ITGA10: variants seen among roughly 807,000 people sequenced by gnomAD.
ITGA10 encodes integrin alpha-10.
A neutral mutation model predicts 145.2 loss-of-function variants in ITGA10; 105 were observed. That is an observed-to-expected ratio of 0.72 (90% CI 0.62 to 0.85). The LOEUF (loss-of-function observed/expected upper bound fraction) is 0.85, where lower values mean the gene tolerates loss of function less well. Among genes scored for constraint, ITGA10 ranks in the 40% least tolerant of loss-of-function variants. The probability of loss-of-function intolerance (pLI) is 0.00; values close to 1 mark genes in which losing one functional copy is unlikely to be tolerated. For synonymous variants in ITGA10, 506 were observed against 557.8 expected, an observed-to-expected ratio of 0.91 and a Z score of 1.31; for missense variants, 1,317 against 1,444.5, an observed-to-expected ratio of 0.91 and a Z score of 1.43.
At chr1:145,907,017 G>T in intron 3 of ITGA10, 24 bp downstream of exon 3, 1 of 1,475,592 alleles carries the variant, frequency 6.8e-7, no homozygotes, top group Non-Finnish European at 9.2e-7. Context: ...GGGTTAGGAG[G>T]AGAAGGGTCA....
Position 145,904,131 on chromosome 1 carries a change from C to G in ITGA10, c.679G>C (p.Glu227Gln). Residue 227 changes from glutamate (E) to glutamine (Q), a missense_variant, in exon 7 of 30, where the codon GAA becomes CAA. Glu to Gln is a conservative substitution (Grantham distance 29). Coordinates refer to ENST00000369304, the MANE Select transcript of ITGA10 (RefSeq NM_003637.5). ...WSLGDFRTKE[E>Q]VVRAAKNLSR... Reference sequence around the variant, plus strand: ...AGGTTCTTTGCTGCTCTCACCACTTCTTCCTTCGTTCGGAAATCTCCCAGG... The same window carrying G: ...AGGTTCTTTGCTGCTCTCACCACTTGTTCCTTCGTTCGGAAATCTCCCAGG... The G allele has an allele frequency of 6.2e-7, 1 of 1,614,202 alleles. No homozygotes were observed. Among genetic ancestry groups the G allele is most frequent in the Non-Finnish European group, 8.5e-7 (1 of 1,180,036 alleles).
chr1:145,894,401 C>T (rs190155954), intron 27 of ITGA10, among the ~76,000 whole-genome samples: 4 of 152,182 alleles, frequency 2.6e-5, no homozygotes, highest in Non-Finnish European at 5.9e-5. Context: ...TGAGCCACCG[C>T]GCCCGGCCAT....
At chr1:145,902,367 C>G (rs1209943197) in intron 9 of ITGA10, 48 bp from the exon 10 acceptor site, 2 of 1,609,920 alleles carry the variant, frequency 1.2e-6, no homozygotes, top group Non-Finnish European at 1.7e-6. Context: ...AGACAGTTTC[C>G]CCTTTGACCT....
intron 9 of ITGA10, 28 bp downstream of exon 9, chr1:145,902,426 C>G: frequency 6.2e-7 from 1 of 1,609,660 alleles, no homozygotes; most frequent in Non-Finnish European, 8.5e-7. Flanking sequence ...TTCTCCCGCC[C>G]TGTCCATTTC....
chr1:145,907,662 G>T (rs913157185), intron 1 of ITGA10, 197 bp from the exon 2 acceptor site: 20 of 938,210 alleles, frequency 2.1e-5, no homozygotes, highest in Non-Finnish European at 2.5e-5. Context: ...GTGTCCAGAT[G>T]CCTAAACTGT....
rs782083233 is a variant in ITGA10, at chr1:145,900,950, G to C, written c.1631C>G (p.Pro544Arg). 6.2e-7 allele frequency: 1 copy of C among 1,614,154 alleles called. No homozygotes were observed. The highest frequency in any genetic ancestry group is 1.1e-5 in the South Asian group (1 of 91,080). The change falls in exon 14 of 30, where the codon CCC becomes CGC. Residue 544 changes from proline (P) to arginine (R), a missense_variant. By Grantham distance (103) the Pro-to-Arg change is moderately radical (BLOSUM62 -2). Coordinates refer to ENST00000369304, the MANE Select transcript of ITGA10 (RefSeq NM_003637.5). ...GGCAAAGCCAAACCGAGCATCCTGG[G>C]GGGGTTCTGGCTGAAGTGTTCCTTG... Reference protein sequence around the residue: ...TLQGTLQPEPPQDARFGFAMG... With the variant: ...TLQGTLQPEPRQDARFGFAMG...
Position 145,901,111 on chromosome 1 carries a change from G to C in ITGA10, c.1587+24C>G, listed in dbSNP as rs1553748118. 1.2e-6 allele frequency: 2 copies of C among 1,613,322 alleles called. No homozygotes were observed. Among genetic ancestry groups the C allele is most frequent in the African/African-American group, 2.7e-5 (2 of 74,840 alleles). On this transcript the variant is annotated intron_variant, in intron 13 of 29. Transcript: ENST00000369304. The surrounding 1 kb of genome is among the most constrained non-coding windows in gnomAD (Gnocchi z 4.3). ...TCCACCCCCACAATGCAAGTCCAGG[G>C]CAGGGGGTCCCAGCAAGTCTCACCT...
chr1:145,899,780 G>T (rs1381918159), intron 15 of ITGA10, among the ~76,000 whole-genome samples: 1 of 152,028 alleles, frequency 6.6e-6, no homozygotes, highest in Non-Finnish European at 1.5e-5. Context: ...CAAAGTGCTG[G>T]GATTACAGGT....
intron 28 of ITGA10, 43 bp downstream of exon 28, chr1:145,893,497 C>T: frequency 1.3e-6 from 2 of 1,487,558 alleles, no homozygotes; most frequent in East Asian, 2.3e-5. Flanking sequence ...ACATACCCAT[C>T]ATCATTATTT....
Position 145,893,393 on chromosome 1 carries a change from G to C in ITGA10, c.3325-119C>G. 1.5e-5 allele frequency: 14 copies of C among 957,686 alleles called. 1 individual carries two copies. The South Asian group carries it at 2.0e-4, about 14-fold the overall frequency. The allele number at this position is 957,686 out of a possible 1,614,324, so 59.3% of individuals were successfully genotyped here. A position where few individuals can be genotyped will look rare whatever the true frequency, so the allele number is the denominator to read the frequency against. On this transcript the variant is annotated intron_variant, in intron 28 of 29. Coordinates refer to ENST00000369304, the MANE Select transcript of ITGA10 (RefSeq NM_003637.5). ...ATAACCTCCTGCTACTTAAAGGAAA[G>C]AAACTGAGGCAGGAATGGCGGCAGT...
chr1:145,908,899 A>G (rs1181468498), intron 1 of ITGA10, among the ~76,000 whole-genome samples: 2 of 152,204 alleles, frequency 1.3e-5, no homozygotes, highest in Admixed American at 1.3e-4. Flanking sequence ...AAGGGTAAGA[A>G]GTTAGGGAGG....
At chr1:145,907,243 GC>G in intron 2 of ITGA10, 93 bp from the exon 3 acceptor site, 1 of 1,586,928 alleles carries the variant, frequency 6.3e-7, no homozygotes, top group Non-Finnish European at 8.6e-7. Flanking sequence ...TAAGTTTAGA[GC>G]CCCAGCCACT....
Position 145,892,565 on chromosome 1 carries a change from G to A in ITGA10, c.*233C>T. On this transcript the variant is annotated 3_prime_UTR_variant, in exon 30 of 30. Coordinates refer to ENST00000369304, the MANE Select transcript of ITGA10 (RefSeq NM_003637.5). ...TATGGAACCAGGATCACGAGGAGGAGGGAAGCAGAGGGTGGGAGCATGGCT... is the reference window on the plus strand; with the variant it reads ...TATGGAACCAGGATCACGAGGAGGAAGGAAGCAGAGGGTGGGAGCATGGCT... The A allele has an allele frequency of 2.3e-6, 1 of 428,946 alleles. No individual in the cohort carries two copies. The highest frequency in any genetic ancestry group is 4.1e-6 in the Non-Finnish European group (1 of 241,956). The allele number at this position is 428,946 out of a possible 1,614,324, so 26.6% of individuals were successfully genotyped here.
rs1654927463 is a variant in ITGA10, at chr1:145,893,171, C to A, written c.3428G>T (p.Cys1143Phe). 1 of 1,610,760 alleles carries A rather than the reference C, an allele frequency of 6.2e-7. No homozygotes were observed. Residue 1143 changes from cysteine (C) to phenylalanine (F), a missense_variant, in exon 29 of 30, where the codon TGC (cysteine) becomes TTC (phenylalanine). By Grantham distance (205) the Cys-to-Phe change is radical. Transcript: ENST00000369304. ...TAAAGCAGTGCTTACCTTCCACAGG[C>A]AGAAGACAAGGAGAGCAAGCAGGAG... ...GLLLLALLVF[C>F]LWKLGFFAHK...
rs782608084 is a variant in ITGA10 at position 145,900,192 on chromosome 1, G to C, written c.1792-5C>G. ...CATGGAGGCAGCAGCAATCCTCTGA[G>C]AGGAAGAGAGAGAATACTGAGGCAG... On this transcript the variant is annotated splice_region_variant and splice_polypyrimidine_tract_variant and intron_variant, in intron 14 of 29. Coordinates refer to ENST00000369304, the MANE Select transcript of ITGA10 (RefSeq NM_003637.5). 5.6e-6 allele frequency: 9 copies of C among 1,610,018 alleles called. No homozygotes were observed. The South Asian group carries it at 7.7e-5, about 14-fold the overall frequency.
intron 5 of ITGA10, chr1:145,906,171 T>C: frequency 2.2e-6 from 1 of 455,530 alleles, no homozygotes; most frequent in Non-Finnish European, 4.0e-6. Context: ...TCAAGTGATC[T>C]GCCCACCTTG....
intron 5 of ITGA10, among the ~76,000 whole-genome samples, chr1:145,905,349 G>A (rs1553750706): frequency 1.3e-5 from 2 of 151,394 alleles, no homozygotes; most frequent in Admixed American, 1.3e-4. Context: ...GCGCAATCTC[G>A]GCTCACTGCA....
chr1:145,897,513 T>G lies in ITGA10; in HGVS notation c.2573A>C (p.Gln858Pro). 1 of 1,613,968 alleles carries G rather than the reference T, an allele frequency of 6.2e-7. No individual in the cohort carries two copies. Among genetic ancestry groups the G allele is most frequent in the Non-Finnish European group, 8.5e-7 (1 of 1,179,924 alleles). The change falls in exon 20 of 30, where the codon CAG becomes CCG. Residue 858 changes from glutamine (Q) to proline (P), a missense_variant and splice_region_variant. Coordinates refer to ENST00000369304, the MANE Select transcript of ITGA10 (RefSeq NM_003637.5). ...CCACACCCCCTCCTCCAAAGGCACC[T>G]GAGGAGTGAGACTGGCCAGGTGGAG... ...RNLHLASLTPQRESPIKVECA... is the reference protein window; with the variant it reads ...RNLHLASLTPPRESPIKVECA...
Position 145,907,041 on chromosome 1 carries a change from C to T in ITGA10, c.274G>A (p.Gly92Ser), listed in dbSNP as rs191112048. ...HNAPCAKGHL[G>S]DYQLGNSSHP... ...GGAGAAGGGTCAGGCATCTTCTCAC[C>T]TAAGTGGCCCTTGGCACATGGGGCA... Residue 92 changes from glycine to serine, a missense_variant and splice_region_variant, in exon 3 of 30, where the codon GGT becomes AGT. Physicochemically the swap from Gly to Ser is moderately conservative, Grantham distance 56. Coordinates refer to ENST00000369304, the MANE Select transcript of ITGA10 (RefSeq NM_003637.5). 6.5e-6 allele frequency: 10 copies of T among 1,543,200 alleles called. No individual in the cohort carries two copies. The East Asian group carries it at 2.1e-4, about 33-fold the overall frequency.
Sources: allele counts gnomAD v4.1 joint callset (sites outside exome capture counted in the v4.1 genomes callset), GRCh38; gene constraint gnomAD v4.1.1; non-coding constraint Gnocchi (gnomAD v3.1); transcripts MANE v1.5; gene names NCBI Gene and HGNC (gene_info 2026-07-23, HGNC 2026-07-21).